The following EHBP1 variants were observed in gnomAD, a reference collection of about 807,000 sequenced individuals.
The protein encoded by EHBP1 is EH domain binding protein 1, also known as EH domain-binding protein 1.
A neutral mutation model predicts 144.0 loss-of-function variants in EHBP1; 55 were observed. The ratio of observed to expected loss-of-function variants is 0.38; its 90% CI spans 0.31 to 0.48. The LOEUF is 0.48. Ranked by LOEUF, EHBP1 falls within the 20% of genes least tolerant of loss-of-function variation. EHBP1 has a pLI of 0.98. For synonymous variants in EHBP1, 469 were observed against 472.7 expected, an observed-to-expected ratio of 0.99 and a Z score of 0.10; for missense variants, 1,200 against 1,364.2, an observed-to-expected ratio of 0.88 and a Z score of 1.90.
chr2:62,736,145 G>A (rs1251182999), intron 2 of EHBP1, among the ~76,000 whole-genome samples: 3 of 140,496 alleles, frequency 2.1e-5, no homozygotes, highest in Middle Eastern at 3.8e-3. Flanking sequence ...TCTATTATGT[G>A]TAGTGACATC....
chr2:62,681,039 G>A (rs567953232), intron 1 of EHBP1, among the ~76,000 whole-genome samples: 4 of 151,920 alleles, frequency 2.6e-5, no homozygotes, highest in East Asian at 1.9e-4. Flanking sequence ...ATGGCCGGGC[G>A]TGATGGCTCA....
chr2:62,782,836 C>T (rs189876684), intron 5 of EHBP1, among the ~76,000 whole-genome samples: 7 of 152,280 alleles, frequency 4.6e-5, no homozygotes, highest in Admixed American at 3.3e-4. Context: ...CATGTCTTCA[C>T]GTTTCAAAAC....
intron 5 of EHBP1, among the ~76,000 whole-genome samples, chr2:62,786,608 C>T (rs541003194): frequency 1.2e-4 from 19 of 152,248 alleles, no homozygotes; most frequent in African/African-American, 4.1e-4. Flanking sequence ...TTAGTTTTGC[C>T]TGGAGTTTGC....
chr2:62,827,007 A>G (rs960553100), intron 6 of EHBP1, among the ~76,000 whole-genome samples: 5 of 152,250 alleles, frequency 3.3e-5, no homozygotes, highest in African/African-American at 1.2e-4. Context: ...AGAAATGGAA[A>G]TTCTATACCT....
chr2:62,801,667 A>G (rs922189724), intron 5 of EHBP1, among the ~76,000 whole-genome samples: 1 of 152,194 alleles, frequency 6.6e-6, no homozygotes, highest in Non-Finnish European at 1.5e-5. Flanking sequence ...TCATGCTTAC[A>G]TGTCTGTAAT....
intron 10 of EHBP1, among the ~76,000 whole-genome samples, chr2:62,893,585 T>C (rs1478765896): frequency 6.6e-6 from 1 of 152,236 alleles, no homozygotes; most frequent in Non-Finnish European, 1.5e-5. Context: ...GAAATGTTTA[T>C]TAATGATAAT....
At chr2:63,027,869 TAGG>T (rs1304709233) in intron 19 of EHBP1, among the ~76,000 whole-genome samples, 1 of 152,118 alleles carries the variant, frequency 6.6e-6, no homozygotes, top group Non-Finnish European at 1.5e-5. Context: ...TTCAGTTCGA[TAGG>T]AGGAATACGT....
intron 14 of EHBP1, among the ~76,000 whole-genome samples, chr2:62,965,539 T>C (rs1037011825): frequency 6.6e-6 from 1 of 152,220 alleles, no homozygotes; most frequent in African/African-American, 2.4e-5. Context: ...TCATACATTG[T>C]GCACATTAGA....
chr2:62,874,321 T>C, intron 9 of EHBP1, 25 bp from the exon 10 acceptor site: 1 of 1,493,528 alleles, frequency 6.7e-7, no homozygotes, highest in Admixed American at 2.2e-5. Flanking sequence ...GAGAGACATC[T>C]AACAATAATT....
At chr2:62,893,496 C>T (rs2052624107) in intron 10 of EHBP1, among the ~76,000 whole-genome samples, 2 of 151,998 alleles carry the variant, frequency 1.3e-5, no homozygotes, top group Admixed American at 1.3e-4. Flanking sequence ...CTTTGAACAT[C>T]AAGTAAAAAT....
chr2:62,824,968 A>G (rs2046243511), intron 5 of EHBP1, among the ~76,000 whole-genome samples: 1 of 152,110 alleles, frequency 6.6e-6, no homozygotes, highest in Non-Finnish European at 1.5e-5. Context: ...GAAAATAATT[A>G]TAGAACTTGA....
intron 1 of EHBP1, among the ~76,000 whole-genome samples, chr2:62,684,430 C>T (rs974363945): frequency 6.6e-6 from 1 of 151,964 alleles, no homozygotes; most frequent in African/African-American, 2.4e-5. Context: ...AGCTTTTCAG[C>T]AAGTTGAAAA....
At chr2:62,685,822 C>T (rs1320579942) in intron 1 of EHBP1, among the ~76,000 whole-genome samples, 3 of 152,118 alleles carry the variant, frequency 2.0e-5, no homozygotes, top group South Asian at 2.1e-4. Context: ...GAATTCCCTT[C>T]TTCTCATCAC....
chr2:62,694,323 G>A (rs542567699), intron 1 of EHBP1, among the ~76,000 whole-genome samples: 2 of 152,034 alleles, frequency 1.3e-5, no homozygotes, highest in South Asian at 2.1e-4. Flanking sequence ...TTAGCACTTG[G>A]TATAAACAAT....
intron 19 of EHBP1, among the ~76,000 whole-genome samples, chr2:63,007,214 A>G (rs1379274388): frequency 6.6e-6 from 1 of 151,900 alleles, no homozygotes; most frequent in Non-Finnish European, 1.5e-5. Flanking sequence ...GTAAGGGAAG[A>G]AAAAGTGTTT....
intron 2 of EHBP1, among the ~76,000 whole-genome samples, chr2:62,729,637 AATAAT>A (rs112547769): frequency 3.6e-4 from 49 of 137,760 alleles, no homozygotes; most frequent in African/African-American, 7.9e-4. Flanking sequence ...AATAAAATAA[AATAAT>A]ATAATATAAT....
At chr2:62,965,641 A>G (rs1333989626) in intron 14 of EHBP1, among the ~76,000 whole-genome samples, 2 of 152,150 alleles carry the variant, frequency 1.3e-5, no homozygotes, top group Non-Finnish European at 2.9e-5. Context: ...GTTTGCTTGG[A>G]GTTTGGACCT....
chr2:62,793,158 T>C (rs2043284520), intron 5 of EHBP1, among the ~76,000 whole-genome samples: 1 of 152,104 alleles, frequency 6.6e-6, no homozygotes. Flanking sequence ...ATTAATGTTA[T>C]TACATTTCTT....
chr2:62,924,989 C>T (rs528347279), intron 10 of EHBP1, among the ~76,000 whole-genome samples: 3 of 152,232 alleles, frequency 2.0e-5, no homozygotes, highest in Admixed American at 6.5e-5. Context: ...AGTGCATCAA[C>T]GATGGCAATA....
Sources: allele counts gnomAD v4.1 joint callset (sites outside exome capture counted in the v4.1 genomes callset), GRCh38; gene constraint gnomAD v4.1.1; transcripts MANE v1.5; gene names NCBI Gene and HGNC (gene_info 2026-07-23, HGNC 2026-07-21).